Variants in KCNK16 observed in about 807,000 individuals in gnomAD.
KCNK16 encodes potassium two pore domain channel subfamily K member 16.
Under a neutral mutation model 23.0 loss-of-function variants are expected in KCNK16, and 23 were observed. The ratio of observed to expected loss-of-function variants is 1.00; its 90% CI spans 0.72 to 1.41. The LOEUF is 1.41. Ranked by LOEUF, KCNK16 falls within the 40% of genes most tolerant of loss-of-function variation. The pLI, the probability that KCNK16 is intolerant of heterozygous loss-of-function variation, is 0.00. For missense variants in KCNK16, 327 were observed against 365.8 expected (o/e 0.89, Z 0.87); for synonymous variants, 145 against 153.5 (o/e 0.94, Z 0.41).
rs758299963 is a variant in KCNK16, at chr6:39,316,773, T to G, written c.661+9A>C. ...CCACCCTGAGATAATGTGACTGTTT[T>G]GTTCTCACCAACAACATAGTCCCCA... is the stretch of plus-strand genomic sequence containing the variant. On this transcript the variant is annotated intron_variant, in intron 4 of 4. Coordinates refer to ENST00000437525, the MANE Select transcript of KCNK16 (RefSeq NM_001135106.2). 2 of 1,612,676 alleles carry G rather than the reference T, an allele frequency of 1.2e-6. No individual in the cohort carries two copies. Among genetic ancestry groups the G allele is most frequent in the Admixed American group, 3.3e-5 (2 of 59,834 alleles).
At chr6:39,317,093 G>C (rs561585136) in intron 3 of KCNK16, 146 bp from the exon 4 acceptor site, 4 of 775,296 alleles carry the variant, frequency 5.2e-6, no homozygotes, top group Non-Finnish European at 8.1e-6. Context: ...GGTGGAGGTT[G>C]TATCTATGTG....
chr6:39,315,140 G>A, downstream of KCNK16: 1 of 1,614,240 alleles, frequency 6.2e-7, no homozygotes, highest in Non-Finnish European at 8.5e-7. Flanking sequence ...CTGTGCAGAG[G>A]AACCCAGCCA....
chr6:39,322,626 G>C lies in KCNK16; in HGVS notation c.-86C>G. The C allele has an allele frequency of 6.8e-7, 1 of 1,480,758 alleles. No homozygotes were observed. The highest frequency in any genetic ancestry group is 8.9e-7 in the Non-Finnish European group (1 of 1,119,478). 91.7% of individuals were successfully genotyped at this position (1,480,758 alleles called of 1,614,324 possible). ...GTGAGGAGTAAGCACCTAGGGGCCT[G>C]TGCCCAGGCTGCCGCCTGCCCTGCC... is the stretch of plus-strand genomic sequence containing the variant. On this transcript the variant is annotated 5_prime_UTR_variant, in exon 1 of 5. Coordinates refer to ENST00000437525, the MANE Select transcript of KCNK16 (RefSeq NM_001135106.2).
At chr6:39,321,960 G>A (rs1441552892) in intron 1 of KCNK16, among the ~76,000 whole-genome samples, 1 of 152,258 alleles carries the variant, frequency 6.6e-6, no homozygotes, top group Non-Finnish European at 1.5e-5. Context: ...TGTGGGAGGA[G>A]GAAATTTGGA....
rs112232325 is a variant in KCNK16 at position 39,322,396 on chromosome 6, A to T, written c.145T>A (p.Leu49Met). Residue 49 changes from leucine to methionine, a missense_variant, in exon 1 of 5, where the codon TTG (leucine) becomes ATG (methionine). Leu to Met is a conservative substitution (Grantham distance 15, BLOSUM62 2). Transcript: ENST00000437525. Reference sequence around the variant, plus strand: ...TTCTCCAGGAAGCGCAGCTTCTCCAACTGAAACTGGTCCCTGGACTGAGCC... The same window carrying T: ...TTCTCCAGGAAGCGCAGCTTCTCCATCTGAAACTGGTCCCTGGACTGAGCC... ...AEAQSRDQFQ[L>M]EKLRFLENYT... 26 of 1,614,110 alleles carry T rather than the reference A, an allele frequency of 1.6e-5. 1 individual carries two copies. The highest frequency in any genetic ancestry group is 9.3e-5 in the African/African-American group (7 of 75,058).
At chr6:39,318,229 T>G (rs1762397991) in intron 2 of KCNK16, among the ~76,000 whole-genome samples, 1 of 152,240 alleles carries the variant, frequency 6.6e-6, no homozygotes, top group Non-Finnish European at 1.5e-5. Context: ...TTTATGTCAT[T>G]GCTATGTAAT....
chr6:39,320,100 G>A lies in KCNK16; in HGVS notation c.214-967C>T, dbSNP rs773432070. On this transcript the variant is annotated intron_variant, in intron 1 of 4. Transcript: ENST00000437525. Reference sequence around the variant, plus strand: ...AGGAAGCCAGGGACACAACAGTTCTGGCTTCCAATTCCTATGGGAACCAGT... The same window carrying A: ...AGGAAGCCAGGGACACAACAGTTCTAGCTTCCAATTCCTATGGGAACCAGT... 3.3e-5 allele frequency among the ~76,000 whole-genome samples: 5 copies of A among 152,170 alleles called. 1 individual carries two copies.
Position 39,316,880 on chromosome 6 carries a change from G to A in KCNK16, c.563C>T (p.Pro188Leu). ...GCCCTCCACATGGCTGAAGACCATGGGTGGGAAGATGAGAATGACCAGCGT... is the reference window on the plus strand; with the variant it reads ...GCCCTCCACATGGCTGAAGACCATGAGTGGGAAGATGAGAATGACCAGCGT... The part of the protein sequence containing the change: ...LGTLVILIFP[P>L]MVFSHVEGWS... The change falls in exon 4 of 5, where the codon CCC (proline) becomes CTC (leucine). Residue 188 changes from proline to leucine, a missense_variant. Transcript: ENST00000437525. The A allele has an allele frequency of 6.2e-7, 1 of 1,613,964 alleles. No homozygotes were observed. Among genetic ancestry groups the A allele is most frequent in the Non-Finnish European group, 8.5e-7 (1 of 1,179,972 alleles).
In KCNK16 at chr6:39,316,746, C is replaced by T. The variant is rs369191936; in HGVS notation, c.661+36G>A. ...CCATCCCCCAAATCCCAGTGGGCAC[C>T]CCCACCCTGAGATAATGTGACTGTT... On this transcript the variant is annotated intron_variant, in intron 4 of 4. Transcript: ENST00000437525. 1.9e-5 allele frequency: 30 copies of T among 1,598,084 alleles called. 1 individual carries two copies. In the African/African-American group the frequency reaches 3.6e-4, roughly 19 times the overall value.
intron 1 of KCNK16, among the ~76,000 whole-genome samples, chr6:39,320,122 C>A (rs2113855611): frequency 6.6e-6 from 1 of 152,318 alleles, no homozygotes; most frequent in East Asian, 1.9e-4. Flanking sequence ...CTATGGGAAC[C>A]AGTTCCCGCT....
At chr6:39,322,092 T>A (rs1461984184) in intron 1 of KCNK16, among the ~76,000 whole-genome samples, 2 of 152,240 alleles carry the variant, frequency 1.3e-5, no homozygotes, top group Admixed American at 6.5e-5. Flanking sequence ...GCCTTATAGA[T>A]GAGGCTGTTT....
chr6:39,315,893 CTTTG>C (rs1762290194), downstream of KCNK16, among the ~76,000 whole-genome samples: 1 of 152,110 alleles, frequency 6.6e-6, no homozygotes, highest in Admixed American at 6.5e-5. Context: ...TAAAGTCATC[CTTTG>C]TTTGTGTAAG....
chr6:39,314,887 G>T (rs975246860), downstream of KCNK16: 8 of 1,054,346 alleles, frequency 7.6e-6, no homozygotes, highest in African/African-American at 1.1e-4. Flanking sequence ...AGCTTGGGAG[G>T]TAAGAGGAGC....
At position 39,318,763 on chromosome 6, in the gene KCNK16, C is replaced by T. The variant is rs57812231; in HGVS notation, c.328+256G>A. On this transcript the variant is annotated intron_variant, in intron 2 of 4. Transcript: ENST00000437525. ...CCCTCATTCTTGTCCCTCGCTGGAC[C>T]GTTCTGAGGAAGGGCTCTATCTAGC... Among the ~76,000 whole-genome samples, 1,168 of 152,282 alleles carry T rather than the reference C, an allele frequency of 7.7e-3. 17 individuals are homozygous for T. Among genetic ancestry groups the T allele is most frequent in the African/African-American group, 0.027 (1,117 of 41,538 alleles).
chr6:39,319,163 G>T lies in KCNK16; in HGVS notation c.214-30C>A. On this transcript the variant is annotated intron_variant, in intron 1 of 4. Transcript: ENST00000437525. This position sits in a 1 kb window ranked among gnomAD's most constrained non-coding sequence, Gnocchi z 4.2. ...AGGGGGTGGCATGGCAGGGGAGGAA[G>T]AAGGAGCTGATGGTTACTGGGCACC... 7.3e-7 allele frequency: 1 copy of T among 1,368,504 alleles called. No individual in the cohort carries two copies. Among genetic ancestry groups the T allele is most frequent in the Non-Finnish European group, 1.0e-6 (1 of 957,196 alleles). 84.8% of individuals were successfully genotyped at this position (1,368,504 alleles called of 1,614,324 possible). A position where few individuals can be genotyped will look rare whatever the true frequency, so the allele number is the denominator to read the frequency against.
Position 39,319,214 on chromosome 6 carries a change from T to A in KCNK16, c.214-81A>T, listed in dbSNP as rs1026326164. The A allele has an allele frequency of 6.3e-6, 5 of 796,420 alleles. No homozygotes were observed. The highest frequency in any genetic ancestry group is 1.1e-5 in the Non-Finnish European group (5 of 447,768). 49.3% of individuals were successfully genotyped at this position (796,420 alleles called of 1,614,324 possible). A position where few individuals can be genotyped will look rare whatever the true frequency, so the allele number is the denominator to read the frequency against. ...AGTTGTTGCCATGCTTTTGGCAGCA[T>A]GCTTTTGTGTCATCTCATCTAATGA... On this transcript the variant is annotated intron_variant, in intron 1 of 4. Transcript: ENST00000437525. This position sits in a 1 kb window ranked among gnomAD's most constrained non-coding sequence, Gnocchi z 4.2.
rs753066441 is a variant in KCNK16 at position 39,317,963 on chromosome 6, A to AG, written c.329-12dup. ...CCAGGTTCCCATATCCTGCAAGGGA[A>AG]GGGGGGCGTGTGCAAATATGGAGAC... On this transcript the variant is annotated splice_polypyrimidine_tract_variant and intron_variant, in intron 2 of 4. Transcript: ENST00000437525. 12 of 1,592,798 alleles carry AG rather than the reference A, an allele frequency of 7.5e-6. No homozygotes were observed. Among genetic ancestry groups the AG allele is most frequent in the South Asian group, 4.5e-5 (4 of 88,550 alleles).
downstream of KCNK16, among the ~76,000 whole-genome samples, chr6:39,315,680 C>T (rs1271479761): frequency 2.0e-5 from 3 of 152,176 alleles, no homozygotes; most frequent in African/African-American, 7.2e-5. Context: ...CATGGGCTCT[C>T]ATCAACCCTG....
intron 2 of KCNK16, among the ~76,000 whole-genome samples, chr6:39,318,312 G>A (rs1762401309): frequency 6.6e-6 from 1 of 152,094 alleles, no homozygotes. Context: ...GAAGTTCCTT[G>A]CAGGCTGAGC....
Sources: gnomAD v4.1 joint callset for allele counts (sites outside exome capture counted in the v4.1 genomes callset) on GRCh38, gnomAD v4.1.1 for gene constraint, Gnocchi (gnomAD v3.1) non-coding constraint, MANE v1.5 for transcripts, NCBI Gene and HGNC (gene_info 2026-07-23, HGNC 2026-07-21) for gene names.